Variants in CMTM2 observed in about 807,000 individuals in gnomAD.
CMTM2 encodes the protein CKLF-like MARVEL transmembrane domain-containing protein 2.
In CMTM2, 15 loss-of-function variants were observed where a neutral mutation model predicts 16.8. The observed-to-expected ratio is 0.89, with a 90% CI of 0.60 to 1.37. The LOEUF (loss-of-function observed/expected upper bound fraction) is 1.37, where lower values mean the gene tolerates loss of function less well. Ranked by LOEUF, CMTM2 falls within the 40% of genes most tolerant of loss-of-function variation. The probability of loss-of-function intolerance (pLI) is 0.00; values close to 1 mark genes in which losing one functional copy is unlikely to be tolerated. For synonymous variants in CMTM2, 117 were observed against 118.7 expected, an observed-to-expected ratio of 0.99 and a Z score of 0.09; for missense variants, 282 against 318.0, an observed-to-expected ratio of 0.89 and a Z score of 0.86.
At chr16:66,587,261 C>G (rs528701460) in intron 3 of CMTM2, among the ~76,000 whole-genome samples, 163 bp downstream of exon 3, 1 of 152,332 alleles carries the variant, frequency 6.6e-6, no homozygotes, top group East Asian at 1.9e-4. Flanking sequence ...TGGTTCATGC[C>G]TATAATCCCA....
intron 2 of CMTM2, among the ~76,000 whole-genome samples, chr16:66,582,481 C>A (rs2014746777): frequency 6.6e-6 from 1 of 152,004 alleles, no homozygotes; most frequent in Non-Finnish European, 1.5e-5. Flanking sequence ...TGGATGGGTC[C>A]CTTTGGTCCA....
Position 66,588,081 on chromosome 16 carries a change from C to G in CMTM2, c.709C>G (p.Pro237Ala), listed in dbSNP as rs765736795. 6.2e-6 allele frequency: 10 copies of G among 1,613,070 alleles called. No homozygotes were observed. In the East Asian group the frequency reaches 1.3e-4, roughly 22 times the overall value. The part of the protein sequence containing the change: ...KGPEPAKPPE[P>A]GKPPGPAKGK... ...ACCAGAACCCGCCAAGCCACCAGAACCTGGCAAGCCACCAGGGCCAGCAAA... is the reference window on the plus strand; with the variant it reads ...ACCAGAACCCGCCAAGCCACCAGAAGCTGGCAAGCCACCAGGGCCAGCAAA... The change falls in exon 4 of 4, where the codon CCT becomes GCT. Residue 237 changes from proline to alanine, a missense_variant. By Grantham distance (27) the Pro-to-Ala change is conservative. Coordinates refer to ENST00000268595, the MANE Select transcript of CMTM2 (RefSeq NM_144673.3).
At chr16:66,585,233 A>G (rs1332336477) in intron 2 of CMTM2, among the ~76,000 whole-genome samples, 2 of 152,206 alleles carry the variant, frequency 1.3e-5, no homozygotes, top group African/African-American at 2.4e-5. Context: ...GGCGTGAGCC[A>G]CTGCGCCCAG....
chr16:66,580,769 A>G (rs1228159296), intron 2 of CMTM2: 1 of 153,084 alleles, frequency 6.5e-6, no homozygotes, highest in African/African-American at 2.4e-5. Flanking sequence ...CTGTTTCCTC[A>G]TCTGTAACAT....
intron 2 of CMTM2, among the ~76,000 whole-genome samples, chr16:66,581,777 G>A (rs1048613871): frequency 6.6e-6 from 1 of 152,138 alleles, no homozygotes; most frequent in African/African-American, 2.4e-5. Context: ...GAAATAGAAA[G>A]CTTAAGCCTG....
chr16:66,581,049 T>C (rs1234356541), intron 2 of CMTM2, among the ~76,000 whole-genome samples: 1 of 152,118 alleles, frequency 6.6e-6, no homozygotes, highest in Non-Finnish European at 1.5e-5. Context: ...AATGGCCAAG[T>C]AACTTGCCCC....
rs1044981725 is a variant in CMTM2, at chr16:66,587,008, C to T, written c.456C>T (p.Asn152=). The T allele has an allele frequency of 1.1e-5, 18 of 1,613,856 alleles. No homozygotes were observed. The highest frequency in any genetic ancestry group is 1.2e-5 in the Non-Finnish European group (14 of 1,179,912). ...FILWPISDLF[N]DLIACAFLVG... The stretch of plus-strand genomic sequence containing the variant: ...CTCTCCACCTTCAGGACCTCTTCAA[C>T]GACCTGATTGCTTGTGCGTTCCTTG... Residue 152 remains asparagine (N), a synonymous_variant, in exon 3 of 4, where the codon AAC becomes AAT. Coordinates refer to ENST00000268595, the MANE Select transcript of CMTM2 (RefSeq NM_144673.3).
In CMTM2 at chr16:66,588,043, A is replaced by C; in HGVS notation, c.671A>C (p.Gln224Pro). The C allele has an allele frequency of 6.2e-7, 1 of 1,613,908 alleles. No individual in the cohort carries two copies. The highest frequency in any genetic ancestry group is 8.5e-7 in the Non-Finnish European group (1 of 1,180,036). ...CCTCCAGGAAAGGAAAAAGGACCCC[A>C]GCAGGGCAAGGGACCAGAACCCGCC... is the stretch of plus-strand genomic sequence containing the variant. ...VPPPGKEKGP[Q>P]QGKGPEPAKP... The change falls in exon 4 of 4, where the codon CAG becomes CCG. Residue 224 changes from glutamine to proline, a missense_variant. Gln to Pro is a moderately conservative substitution (Grantham distance 76). Transcript: ENST00000268595.
At chr16:66,586,057 G>A (rs1306393630) in intron 2 of CMTM2, among the ~76,000 whole-genome samples, 1 of 152,184 alleles carries the variant, frequency 6.6e-6, no homozygotes, top group Non-Finnish European at 1.5e-5. Context: ...GGAGGGAAAT[G>A]CGTATATGGT....
At chr16:66,582,872 T>G (rs551639235) in intron 2 of CMTM2, among the ~76,000 whole-genome samples, 24 of 151,886 alleles carry the variant, frequency 1.6e-4, no homozygotes, top group African/African-American at 5.8e-4. Context: ...AGACTCCATC[T>G]CAAAAAATAA....
chr16:66,587,760 A>C (rs1348109732), intron 3 of CMTM2, among the ~76,000 whole-genome samples, 159 bp from the exon 4 acceptor site: 2 of 152,146 alleles, frequency 1.3e-5, no homozygotes, highest in Non-Finnish European at 2.9e-5. Context: ...GCAAAGGCTG[A>C]GGGAGTAGGC....
rs946470102 is a variant in CMTM2, at chr16:66,584,954, T to C, written c.445-2043T>C. On this transcript the variant is annotated intron_variant, in intron 2 of 3. Coordinates refer to ENST00000268595, the MANE Select transcript of CMTM2 (RefSeq NM_144673.3). ...GCCTCTACAAAAACAATTTTTTTTT[T>C]TTTTTTTTTGAGATGGAGTTTTGCT... Among the ~76,000 whole-genome samples the C allele has an allele frequency of 1.4e-3, 209 of 151,686 alleles. 1 individual carries two copies. Among genetic ancestry groups the C allele is most frequent in the Non-Finnish European group, 1.8e-3 (125 of 67,890 alleles).
At chr16:66,587,454 G>A (rs553238823) in intron 3 of CMTM2, among the ~76,000 whole-genome samples, 3 of 152,198 alleles carry the variant, frequency 2.0e-5, no homozygotes, top group Non-Finnish European at 4.4e-5. Context: ...CAACTTGGGA[G>A]GCTGAGGCAG....
rs757423151 is a variant in CMTM2, at chr16:66,580,064, C to A, written c.324C>A (p.Leu108=). ...LIAAMILLSS[L]TVHPILRLII... is the part of the protein sequence containing the mutation. ...CTGCAATGATACTGTTGTCCTCACT[C>A]ACCGTGCACCCCATCTTGAGGCTTA... Residue 108 remains leucine (L), a synonymous_variant, in exon 2 of 4, where the codon CTC becomes CTA. Transcript: ENST00000268595. 2.7e-5 allele frequency: 43 copies of A among 1,614,106 alleles called. No individual in the cohort carries two copies. Among genetic ancestry groups the A allele is most frequent in the Non-Finnish European group, 3.5e-5 (41 of 1,180,040 alleles).
At chr16:66,586,865 A>C in intron 2 of CMTM2, 132 bp from the exon 3 acceptor site, 3 of 682,750 alleles carry the variant, frequency 4.4e-6, no homozygotes, top group Non-Finnish European at 8.1e-6. Flanking sequence ...GTGTGTGTTT[A>C]TCTTTATGCA....
At chr16:66,587,144 C>A in intron 3 of CMTM2, 46 bp downstream of exon 3, 1 of 1,413,728 alleles carries the variant, frequency 7.1e-7, no homozygotes, top group Non-Finnish European at 1.0e-6. Flanking sequence ...GAATTCACTT[C>A]TTTTGGAGGA....
At chr16:66,581,020 CAT>C (rs1291947743) in intron 2 of CMTM2, among the ~76,000 whole-genome samples, 1 of 152,122 alleles carries the variant, frequency 6.6e-6, no homozygotes, top group African/African-American at 2.4e-5. Context: ...TCACGTTACA[CAT>C]GAGGAAATTG....
Position 66,579,626 on chromosome 16 carries a change from A to G in CMTM2, c.19A>G (p.Lys7Glu). MAPKAA[K>E]GAKPEPAPAP... is the part of the protein sequence containing the mutation. The stretch of plus-strand genomic sequence containing the variant: ...GTCAGTCATGGCACCTAAGGCGGCA[A>G]AGGGGGCCAAGCCAGAGCCAGCACC... Residue 7 changes from lysine (K) to glutamate (E), a missense_variant, in exon 1 of 4, where the codon AAG becomes GAG. Transcript: ENST00000268595. This position sits in a 1 kb window ranked among gnomAD's most constrained non-coding sequence, Gnocchi z 6.5. 1 of 1,614,042 alleles carries G rather than the reference A, an allele frequency of 6.2e-7. No individual in the cohort carries two copies. Among genetic ancestry groups the G allele is most frequent in the East Asian group, 2.2e-5 (1 of 44,868 alleles).
intron 2 of CMTM2, 146 bp from the exon 3 acceptor site, chr16:66,586,851 C>T (rs976320153): frequency 3.4e-5 from 22 of 639,674 alleles, no homozygotes; most frequent in Admixed American, 1.7e-4. Flanking sequence ...GTCCACCTAG[C>T]CCGGTGTGTG....
Sources: allele counts gnomAD v4.1 joint callset (sites outside exome capture counted in the v4.1 genomes callset), GRCh38; gene constraint gnomAD v4.1.1; non-coding constraint Gnocchi (gnomAD v3.1); transcripts MANE v1.5; gene names NCBI Gene and HGNC (gene_info 2026-07-23, HGNC 2026-07-21).